PREX2: variants seen among roughly 807,000 people sequenced by gnomAD.
The protein encoded by PREX2 is phosphatidylinositol-3,4,5-trisphosphate dependent Rac exchange factor 2, also known as phosphatidylinositol 3,4,5-trisphosphate-dependent Rac exchanger 2 protein.
A neutral mutation model predicts 203.2 loss-of-function variants in PREX2; 107 were observed. The observed-to-expected ratio is 0.53, with a 90% CI of 0.45 to 0.62. PREX2 has a LOEUF of 0.62. Among genes scored for constraint, PREX2 ranks in the 20% least tolerant of loss-of-function variants. PREX2 has a pLI of 0.00. For missense variants in PREX2, 1,777 were observed against 1,955.9 expected (o/e 0.91, Z 1.72); for synonymous variants, 672 against 663.6 (o/e 1.01, Z -0.19).
At position 68,028,136 on chromosome 8, in the gene PREX2, T is replaced by C. The variant is rs556050397; in HGVS notation, c.543+813T>C. On this transcript the variant is annotated intron_variant, in intron 5 of 39. Transcript: ENST00000288368. The stretch of plus-strand genomic sequence containing the variant: ...ATGCCTTGGTTTTTCATTTATGAAA[T>C]AGAGATGATGATTATGATGATGATG... Among the ~76,000 whole-genome samples the C allele has an allele frequency of 4.7e-4, 71 of 152,016 alleles. 1 individual carries two copies. The highest frequency in any genetic ancestry group is 1.4e-3 in the African/African-American group (60 of 41,492).
At chr8:68,001,168 T>C (rs1441895238) in intron 1 of PREX2, among the ~76,000 whole-genome samples, 2 of 152,090 alleles carry the variant, frequency 1.3e-5, no homozygotes, top group Admixed American at 6.6e-5. Context: ...ACGTACCCAA[T>C]AGGAGAAAAT....
At chr8:68,148,905 T>C (rs953206802) in intron 34 of PREX2, among the ~76,000 whole-genome samples, 11 of 152,188 alleles carry the variant, frequency 7.2e-5, no homozygotes, top group Non-Finnish European at 1.6e-4. Context: ...TTAGTATTCA[T>C]AGATTGAGAG....
At chr8:68,111,237 C>T (rs1021444731) in intron 25 of PREX2, 1 of 172,026 alleles carries the variant, frequency 5.8e-6, no homozygotes, top group African/African-American at 2.4e-5. Context: ...CCCATACTTC[C>T]AGTTCCAAGA....
At chr8:68,088,122 T>C (rs1340966789) in intron 19 of PREX2, among the ~76,000 whole-genome samples, 1 of 152,206 alleles carries the variant, frequency 6.6e-6, no homozygotes, top group African/African-American at 2.4e-5. Context: ...CAAGTAATTG[T>C]ATTTCTTTGT....
chr8:68,020,436 AATTAAT>A (rs1807539105), intron 3 of PREX2, among the ~76,000 whole-genome samples: 2 of 152,132 alleles, frequency 1.3e-5, no homozygotes, highest in South Asian at 4.1e-4. Flanking sequence ...AATGCTAGAC[AATTAAT>A]GTTTTGTTTA....
chr8:67,966,853 A>G (rs1039473716), intron 1 of PREX2, among the ~76,000 whole-genome samples: 2 of 152,174 alleles, frequency 1.3e-5, no homozygotes, highest in African/African-American at 4.8e-5. Context: ...CTGTCTGCCA[A>G]TCACTATTCA....
At chr8:68,148,035 T>G (rs927264317) in intron 34 of PREX2, among the ~76,000 whole-genome samples, 1 of 152,038 alleles carries the variant, frequency 6.6e-6, no homozygotes, top group Non-Finnish European at 1.5e-5. Context: ...TCACCTGAGG[T>G]CAGGAGTTAG....
At chr8:68,101,111 G>T (rs1373778689) in intron 23 of PREX2, among the ~76,000 whole-genome samples, 1 of 151,942 alleles carries the variant, frequency 6.6e-6, no homozygotes, top group African/African-American at 2.4e-5. Context: ...TTAAAATTTG[G>T]TGCAGCCGTA....
intron 35 of PREX2, among the ~76,000 whole-genome samples, chr8:68,184,339 C>T (rs1298286094): frequency 6.6e-6 from 1 of 152,104 alleles, no homozygotes; most frequent in African/African-American, 2.4e-5. Flanking sequence ...CATAGAGATA[C>T]CCAGTCACAC....
At chr8:68,088,380 G>A (rs1809766040) in intron 19 of PREX2, among the ~76,000 whole-genome samples, 1 of 152,218 alleles carries the variant, frequency 6.6e-6, no homozygotes, top group Middle Eastern at 3.4e-3. Flanking sequence ...AACAATTGAA[G>A]GAAATAACTG....
At chr8:68,217,057 A>G (rs2129615293) in intron 37 of PREX2, among the ~76,000 whole-genome samples, 2 of 152,134 alleles carry the variant, frequency 1.3e-5, no homozygotes, top group East Asian at 3.9e-4. Flanking sequence ...CACTTTTCTC[A>G]GGGCTACTCT....
chr8:68,112,281 G>T lies in PREX2; in HGVS notation c.3146+2658G>T, dbSNP rs369140452. Among the ~76,000 whole-genome samples the T allele has an allele frequency of 8.5e-5, 13 of 152,302 alleles. 2 individuals carry two copies. Among genetic ancestry groups the T allele is most frequent in the East Asian group, 7.7e-4 (4 of 5,184 alleles). The stretch of plus-strand genomic sequence containing the variant: ...ACTGGGTAATGACACTTAGGTACAA[G>T]AAATAAGTAAAAGGAAAAATAATTA... On this transcript the variant is annotated intron_variant, in intron 25 of 39. Transcript: ENST00000288368.
chr8:68,214,531 G>A lies in PREX2; in HGVS notation c.4605-3085G>A, dbSNP rs138691233. Among the ~76,000 whole-genome samples the A allele has an allele frequency of 5.5e-4, 84 of 152,226 alleles. 1 individual carries two copies. In the East Asian group the frequency reaches 6.4e-3, roughly 12 times the overall value. On this transcript the variant is annotated intron_variant, in intron 37 of 39. Coordinates refer to ENST00000288368, the MANE Select transcript of PREX2 (RefSeq NM_024870.4). ...TGCCTGTAAAATCAAATGAGCTCTC[G>A]TAAACCTGACTCTGAGTATATATTT...
intron 6 of PREX2, among the ~76,000 whole-genome samples, chr8:68,034,426 G>A (rs756581026): frequency 1.3e-5 from 2 of 152,088 alleles, no homozygotes; most frequent in Non-Finnish European, 2.9e-5. Context: ...CTATACTGAA[G>A]TATTTTGAAA....
rs1805385587 is a variant in PREX2, at chr8:67,952,620, T to C, written c.141+85T>C. 4.6e-6 allele frequency: 7 copies of C among 1,534,462 alleles called. No individual in the cohort carries two copies. In the African/African-American group the frequency reaches 9.6e-5, roughly 21 times the overall value. ...GTGGCTGCGGGAAGGACGCGCGGCA[T>C]TGTCTGTGCGGGGACCCGGGACGGG... On this transcript the variant is annotated intron_variant, in intron 1 of 39. Coordinates refer to ENST00000288368, the MANE Select transcript of PREX2 (RefSeq NM_024870.4).
intron 37 of PREX2, among the ~76,000 whole-genome samples, chr8:68,211,739 G>T (rs1812745959): frequency 6.6e-6 from 1 of 152,156 alleles, no homozygotes; most frequent in African/African-American, 2.4e-5. Context: ...AATGGACACG[G>T]GATTGGGGGA....
chr8:68,069,731 T>G, intron 12 of PREX2, 104 bp from the exon 13 acceptor site: 1 of 572,246 alleles, frequency 1.7e-6, no homozygotes, highest in Non-Finnish European at 3.2e-6. Flanking sequence ...GATTTTGTGA[T>G]GATTCTAAAA....
chr8:68,134,823 G>GTT (rs1481570344), intron 32 of PREX2, among the ~76,000 whole-genome samples: 2 of 152,174 alleles, frequency 1.3e-5, no homozygotes, highest in Non-Finnish European at 2.9e-5. Flanking sequence ...AATATTCTAT[G>GTT]TTTATGCATT....
chr8:67,952,782 C>A, intron 1 of PREX2: 1 of 606,482 alleles, frequency 1.6e-6, no homozygotes, highest in Non-Finnish European at 2.9e-6. Flanking sequence ...GAAAAGTTAG[C>A]TCTAGAGAAG....
Sources: allele counts gnomAD v4.1 joint callset (sites outside exome capture counted in the v4.1 genomes callset), GRCh38; gene constraint gnomAD v4.1.1; transcripts MANE v1.5; gene names NCBI Gene and HGNC (gene_info 2026-07-23, HGNC 2026-07-21).